DYM: variants seen among roughly 807,000 people sequenced by gnomAD.
DYM encodes dyggve-Melchior-Clausen syndrome protein.
A neutral mutation model predicts 93.1 loss-of-function variants in DYM; 78 were observed. The observed-to-expected ratio is 0.84, with a 90% CI of 0.70 to 1.01. The LOEUF is 1.01. DYM is among the 50% of genes least tolerant of loss of function. DYM has a pLI of 0.00. For missense variants in DYM, 789 were observed against 845.0 expected, an observed-to-expected ratio of 0.93 and a Z score of 0.82; for synonymous variants, 321 against 319.7, an observed-to-expected ratio of 1.00 and a Z score of -0.04.
At chr18:49,086,833 C>A (rs1171885325) in intron 17 of DYM, among the ~76,000 whole-genome samples, 1 of 151,742 alleles carries the variant, frequency 6.6e-6, no homozygotes, top group African/African-American at 2.4e-5. Context: ...ACTAAAAATA[C>A]AAAAATTAGC....
rs140913232 is a variant in DYM, at chr18:49,175,813, C to T, written c.1626-12026G>A. Among the ~76,000 whole-genome samples the T allele has an allele frequency of 9.2e-3, 1,404 of 152,192 alleles. 8 individuals are homozygous for T. The highest frequency in any genetic ancestry group is 0.014 in the Non-Finnish European group (947 of 67,996). Reference sequence around the variant, plus strand: ...TAAAGAAAACACAATAACTCATCTTCTTCAAAAACTCTATATATAGTAAAA... The same window carrying T: ...TAAAGAAAACACAATAACTCATCTTTTTCAAAAACTCTATATATAGTAAAA... On this transcript the variant is annotated intron_variant, in intron 14 of 17. Transcript: ENST00000675505.
chr18:49,292,641 G>C (rs1220184687), intron 8 of DYM, among the ~76,000 whole-genome samples: 1 of 114,420 alleles, frequency 8.7e-6, no homozygotes, highest in Admixed American at 9.4e-5. Context: ...ACAAAAACCT[G>C]TCCACCAGAA....
At chr18:49,327,459 C>T (rs991598610) in intron 8 of DYM, among the ~76,000 whole-genome samples, 2 of 151,998 alleles carry the variant, frequency 1.3e-5, no homozygotes, top group African/African-American at 2.4e-5. Context: ...CAGGCTCAAG[C>T]GAACTACCCA....
At position 49,391,646 on chromosome 18, in the gene DYM, C is replaced by T. The variant is rs1481270583; in HGVS notation, c.141-1G>A. ...TTCCTCCAAGAGTTTCAACTCACTA[C>T]TGGAGAGACAGAAGAATAAAGGTAA... On this transcript the variant is annotated splice_acceptor_variant, in intron 2 of 17. Coordinates refer to ENST00000675505, the MANE Select transcript of DYM (RefSeq NM_001353214.3). LOFTEE classifies it high-confidence loss of function. 1 of 1,612,246 alleles carries T rather than the reference C, an allele frequency of 6.2e-7. No individual in the cohort carries two copies. Among genetic ancestry groups the T allele is most frequent in the Non-Finnish European group, 8.5e-7 (1 of 1,178,728 alleles).
intron 6 of DYM, among the ~76,000 whole-genome samples, chr18:49,351,072 G>A (rs1194062705): frequency 6.6e-6 from 1 of 152,090 alleles, no homozygotes; most frequent in Non-Finnish European, 1.5e-5. Context: ...GATAAGAGAG[G>A]TTAAATCTAC....
At chr18:49,177,047 T>C (rs532538203) in intron 14 of DYM, among the ~76,000 whole-genome samples, 41 of 152,184 alleles carry the variant, frequency 2.7e-4, no homozygotes, top group South Asian at 8.3e-4. Flanking sequence ...CTTGAGAAAA[T>C]TGCACACCAA....
At chr18:49,206,129 G>T (rs1237744944) in intron 14 of DYM, among the ~76,000 whole-genome samples, 1 of 151,150 alleles carries the variant, frequency 6.6e-6, no homozygotes, top group Non-Finnish European at 1.5e-5. Context: ...CTCCTGAGTA[G>T]CTGGGACTAC....
intron 11 of DYM, among the ~76,000 whole-genome samples, chr18:49,260,035 T>C (rs2094465097): frequency 1.3e-5 from 2 of 152,274 alleles, no homozygotes; most frequent in South Asian, 2.1e-4. Flanking sequence ...TGACAGAATA[T>C]TGCATCCATA....
intron 16 of DYM, among the ~76,000 whole-genome samples, chr18:49,105,508 A>G (rs1474189354): frequency 6.6e-6 from 1 of 152,060 alleles, no homozygotes; most frequent in East Asian, 1.9e-4. Flanking sequence ...TTAGGGTGTC[A>G]ATTTTAGATC....
At position 49,453,169 on chromosome 18, in the gene DYM, T is replaced by C. The variant is rs760461024; in HGVS notation, c.-54+7229A>G. ...CAGGGTTTGTAAATATACCAATCAGTACTCTGTATCTAGCTAATCTAGGGG... is the reference window on the plus strand; with the variant it reads ...CAGGGTTTGTAAATATACCAATCAGCACTCTGTATCTAGCTAATCTAGGGG... On this transcript the variant is annotated intron_variant, in intron 1 of 17. Transcript: ENST00000675505. Among the ~76,000 whole-genome samples the C allele has an allele frequency of 5.2e-4, 44 of 84,664 alleles. 8 individuals carry two copies. Among genetic ancestry groups the C allele is most frequent in the Non-Finnish European group, 9.5e-4 (38 of 39,834 alleles). The allele number at this position is 84,664 out of a possible 152,430, so 55.5% of individuals were successfully genotyped here. A position where few individuals can be genotyped will look rare whatever the true frequency, so the allele number is the denominator to read the frequency against.
chr18:49,401,374 G>A (rs1229945396), intron 2 of DYM, among the ~76,000 whole-genome samples: 1 of 152,100 alleles, frequency 6.6e-6, no homozygotes, highest in African/African-American at 2.4e-5. Context: ...ATAAACAGAT[G>A]GGAGTCACAA....
At chr18:49,289,379 A>AT (rs1231124917) in intron 8 of DYM, among the ~76,000 whole-genome samples, 3 of 135,432 alleles carry the variant, frequency 2.2e-5, no homozygotes, top group African/African-American at 8.6e-5. Context: ...TAACAAAAGG[A>AT]TTTTTTTAAA....
chr18:49,088,159 C>T lies in DYM; in HGVS notation c.2025+9243G>A, dbSNP rs2078724036. 2.0e-5 allele frequency among the ~76,000 whole-genome samples: 3 copies of T among 152,154 alleles called. No individual in the cohort carries two copies. In the South Asian group the frequency reaches 6.2e-4, roughly 31 times the overall value. On this transcript the variant is annotated intron_variant, in intron 17 of 17. Transcript: ENST00000675505. ...TCAATTTTGGCTTTTGTTGCCATTG[C>T]TTTTGGTGTTTAGATGTGAAGTCCT...
intron 1 of DYM, among the ~76,000 whole-genome samples, chr18:49,442,583 AGAAAG>A (rs1317387698): frequency 6.6e-6 from 1 of 152,104 alleles, no homozygotes; most frequent in African/African-American, 2.4e-5. Flanking sequence ...AACAAACTAA[AGAAAG>A]GAATCATAGA....
At chr18:49,435,205 C>T (rs1400331159) in intron 1 of DYM, among the ~76,000 whole-genome samples, 4 of 72,674 alleles carry the variant, frequency 5.5e-5, no homozygotes, top group Non-Finnish European at 7.2e-5. Context: ...ATGACTCCAT[C>T]TCAAAAAAAA....
At chr18:49,200,421 A>G (rs76639262) in intron 14 of DYM, among the ~76,000 whole-genome samples, 2,169 of 152,038 alleles carry the variant, frequency 0.014, 50 homozygotes, top group African/African-American at 0.049. Flanking sequence ...ATTAAACATT[A>G]TATCAAATAT....
chr18:49,047,701 T>G (rs1380112571), intron 17 of DYM, among the ~76,000 whole-genome samples: 2 of 152,022 alleles, frequency 1.3e-5, no homozygotes, highest in Non-Finnish European at 2.9e-5. Flanking sequence ...TCATACACTG[T>G]GTTGATTCCA....
intron 15 of DYM, among the ~76,000 whole-genome samples, 157 bp downstream of exon 15, chr18:49,163,528 T>G (rs541517602): frequency 1.3e-5 from 2 of 152,090 alleles, no homozygotes; most frequent in Admixed American, 1.3e-4. Context: ...GCATTTTTAG[T>G]AGAGATGGGG....
chr18:49,077,229 T>A (rs1053329221), intron 17 of DYM, among the ~76,000 whole-genome samples: 1 of 152,206 alleles, frequency 6.6e-6, no homozygotes, highest in East Asian at 1.9e-4. Flanking sequence ...AGATGCAGAG[T>A]AGAAAGCCCC....
Sources: allele counts gnomAD v4.1 joint callset (sites outside exome capture counted in the v4.1 genomes callset), GRCh38; gene constraint gnomAD v4.1.1; transcripts MANE v1.5; gene names NCBI Gene and HGNC (gene_info 2026-07-23, HGNC 2026-07-21).